SAMD5: variants seen among roughly 807,000 people sequenced by gnomAD.
The protein encoded by SAMD5 is sterile alpha motif domain containing 5.
SAMD5 carries 13 observed loss-of-function variants against 11.3 expected under a neutral mutation model. The ratio of observed to expected loss-of-function variants is 1.15; its 90% confidence interval spans 0.75 to 1.83. SAMD5 has a LOEUF of 1.83. SAMD5 is among the 40% of genes most tolerant of loss of function. The pLI is 0.00. For synonymous variants in SAMD5, 129 were observed against 111.3 expected (o/e 1.16, Z -1.00); for missense variants, 255 against 239.1 (o/e 1.07, Z -0.44).
the SAMD5 span, among the ~76,000 whole-genome samples, chr6:147,817,419 T>G: frequency 7.9e-5 from 12 of 152,246 alleles, no homozygotes; most frequent in African/African-American, 9.6e-5. Context: ...GATTGATGCT[T>G]CTTTCTGATG....
intron 1 of SAMD5, among the ~76,000 whole-genome samples, chr6:147,551,475 C>T (rs1788770639): frequency 6.6e-6 from 1 of 151,876 alleles, no homozygotes; most frequent in Non-Finnish European, 1.5e-5. Context: ...CCATGAAATT[C>T]TAAGCACTTA....
At chr6:147,736,674 C>T (rs1458976799) in intron 1 of SAMD5, among the ~76,000 whole-genome samples, 1 of 152,080 alleles carries the variant, frequency 6.6e-6, no homozygotes, top group African/African-American at 2.4e-5. Context: ...GTTCACAAGG[C>T]CATTTCAGAT....
At chr6:147,655,565 G>T (rs1191329052) in intron 1 of SAMD5, among the ~76,000 whole-genome samples, 1 of 152,078 alleles carries the variant, frequency 6.6e-6, no homozygotes, top group African/African-American at 2.4e-5. Flanking sequence ...CAGAATCTGT[G>T]TAACAAAATC....
At chr6:147,771,174 A>T in the SAMD5 span, among the ~76,000 whole-genome samples, 2 of 152,224 alleles carry the variant, frequency 1.3e-5, no homozygotes, top group Non-Finnish European at 2.9e-5. Context: ...CCAAGCTTCA[A>T]CCTATTATTT....
chr6:147,825,391 T>C, the SAMD5 span, among the ~76,000 whole-genome samples: 1 of 152,362 alleles, frequency 6.6e-6, no homozygotes, highest in African/African-American at 2.4e-5. Context: ...TTCTAAAATA[T>C]ATTATTATAA....
chr6:147,657,342 G>A (rs1489708790), intron 1 of SAMD5, among the ~76,000 whole-genome samples: 2 of 152,100 alleles, frequency 1.3e-5, no homozygotes, highest in Admixed American at 6.5e-5. Flanking sequence ...TAACTGTACT[G>A]TGGCCATGTA....
At chr6:147,589,071 C>A (rs1342210241) in intron 1 of SAMD5, among the ~76,000 whole-genome samples, 2 of 152,026 alleles carry the variant, frequency 1.3e-5, no homozygotes, top group Non-Finnish European at 2.9e-5. Context: ...GATCCTCCTG[C>A]CTCAGCCTCC....
chr6:147,793,571 A>T, the SAMD5 span, among the ~76,000 whole-genome samples: 1 of 152,202 alleles, frequency 6.6e-6, no homozygotes, highest in African/African-American at 2.4e-5. Flanking sequence ...TCATAGATCT[A>T]TGTCTTTTTC....
chr6:147,670,528 A>AC lies in SAMD5; in HGVS notation c.163-66786dup, dbSNP rs568787410. On this transcript the variant is annotated intron_variant, in intron 1 of 1. Transcript: ENST00000566741. ...TCTGTTGTTTAGTTTAGCTGCTTTCACCCATGATCTTAAATCTTCTGAATA... is the reference window on the plus strand; with the variant it reads ...TCTGTTGTTTAGTTTAGCTGCTTTCACCCCATGATCTTAAATCTTCTGAATA... 4.6e-5 allele frequency among the ~76,000 whole-genome samples: 7 copies of AC among 152,338 alleles called. No individual in the cohort carries two copies. The South Asian group carries it at 1.4e-3, about 32-fold the overall frequency.
At chr6:147,719,945 G>C (rs968245368) in intron 1 of SAMD5, among the ~76,000 whole-genome samples, 5 of 152,158 alleles carry the variant, frequency 3.3e-5, no homozygotes, top group African/African-American at 1.2e-4. Context: ...CTGAACTCTT[G>C]ACACTCTTGC....
intron 1 of SAMD5, among the ~76,000 whole-genome samples, chr6:147,656,142 G>T (rs781338752): frequency 2.0e-5 from 3 of 152,006 alleles, no homozygotes; most frequent in Non-Finnish European, 2.9e-5. Flanking sequence ...TTTTGAAAAA[G>T]GTAAAATTAG....
chr6:147,770,374 G>C, the SAMD5 span, among the ~76,000 whole-genome samples: 5 of 151,904 alleles, frequency 3.3e-5, no homozygotes, highest in Non-Finnish European at 7.4e-5. Flanking sequence ...TATTAAAACG[G>C]ACGATTTCTG....
At chr6:147,554,269 C>G (rs1583080106) in intron 1 of SAMD5, among the ~76,000 whole-genome samples, 1 of 152,134 alleles carries the variant, frequency 6.6e-6, no homozygotes, top group Admixed American at 6.5e-5. Flanking sequence ...TCCCATGATA[C>G]ATGGGGAATT....
chr6:147,813,741 T>C, the SAMD5 span, among the ~76,000 whole-genome samples: 1 of 152,226 alleles, frequency 6.6e-6, no homozygotes, highest in African/African-American at 2.4e-5. Flanking sequence ...TGCTCTAGCC[T>C]GTGGGGACAG....
the SAMD5 span, among the ~76,000 whole-genome samples, chr6:147,892,109 C>T: frequency 6.6e-5 from 10 of 152,284 alleles, no homozygotes; most frequent in South Asian, 8.3e-4. Flanking sequence ...TTCCTGAAAC[C>T]GTCCTTCCTC....
chr6:147,914,064 G>T, the SAMD5 span, among the ~76,000 whole-genome samples: 167 of 152,078 alleles, frequency 1.1e-3, no homozygotes, highest in Non-Finnish European at 1.9e-3. Flanking sequence ...TCCAACCTGC[G>T]ACCCACAGGC....
the SAMD5 span, among the ~76,000 whole-genome samples, chr6:147,909,624 C>CTT: frequency 2.6e-3 from 181 of 68,886 alleles, 12 homozygotes; most frequent in African/African-American, 0.015. Context: ...TTCTTTCTTT[C>CTT]TTTCTTTCTC....
the SAMD5 span, among the ~76,000 whole-genome samples, chr6:147,750,851 G>A: frequency 6.6e-6 from 1 of 152,210 alleles, no homozygotes; most frequent in Non-Finnish European, 1.5e-5. Context: ...GAACCCGGGA[G>A]GCAAATGTTG....
the SAMD5 span, among the ~76,000 whole-genome samples, chr6:147,909,618 T>TTCTCTCTCTCTCTCTCTCTCTCTC: frequency 2.6e-5 from 2 of 76,436 alleles, no homozygotes; most frequent in African/African-American, 1.6e-4. Flanking sequence ...CTTTCTTTCT[T>TTCTCTCTCTCTCTCTCTCTCTCTC]TCTTTCTTTC....
Sources: gnomAD v4.1 joint callset for allele counts (sites outside exome capture counted in the v4.1 genomes callset) on GRCh38, gnomAD v4.1.1 for gene constraint, MANE v1.5 for transcripts, NCBI Gene and HGNC (gene_info 2026-07-23, HGNC 2026-07-21) for gene names.